The following PNPLA3 variants were observed in gnomAD, a reference collection of about 807,000 sequenced individuals.
PNPLA3 encodes 1-acylglycerol-3-phosphate O-acyltransferase PNPLA3.
Under a neutral mutation model 43.1 loss-of-function variants are expected in PNPLA3, and 42 were observed. The ratio of observed to expected loss-of-function variants is 0.97; its 90% CI spans 0.76 to 1.26. The LOEUF (loss-of-function observed/expected upper bound fraction) is 1.26, where lower values mean the gene tolerates loss of function less well. Among genes scored for constraint, PNPLA3 ranks in the 50% most tolerant of loss-of-function variants. The pLI is 0.00. For missense variants in PNPLA3, 647 were observed against 621.4 expected (o/e 1.04, Z -0.44); for synonymous variants, 272 against 253.6 (o/e 1.07, Z -0.69).
At position 43,927,108 on chromosome 22, in the gene PNPLA3, G is replaced by C. The variant is rs2049928534; in HGVS notation, c.361G>C (p.Val121Leu). Reference protein sequence around the residue: ...SGKIGISLTRVSDGENVLVSD... With the variant: ...SGKIGISLTRLSDGENVLVSD... Reference sequence around the variant, plus strand: ...CAAAATAGGCATCTCTCTTACCAGAGTGTCTGATGGGGAAAACGTTCTGGT... The same window carrying C: ...CAAAATAGGCATCTCTCTTACCAGACTGTCTGATGGGGAAAACGTTCTGGT... Residue 121 changes from valine (V) to leucine (L), a missense_variant, in exon 2 of 9, where the codon GTG (valine) becomes CTG (leucine). Physicochemically the swap from Val to Leu is conservative, Grantham distance 32. Transcript: ENST00000216180. 6.2e-7 allele frequency: 1 copy of C among 1,614,246 alleles called. No homozygotes were observed. Among genetic ancestry groups the C allele is most frequent in the South Asian group, 1.1e-5 (1 of 91,088 alleles).
chr22:43,933,748 G>A (rs1475539238), intron 4 of PNPLA3, among the ~76,000 whole-genome samples: 1 of 152,130 alleles, frequency 6.6e-6, no homozygotes, highest in African/African-American at 2.4e-5. Context: ...TGATTGTGGT[G>A]GTTTTAGTAT....
chr22:43,934,524 T>C, intron 4 of PNPLA3, 82 bp from the exon 5 acceptor site: 1 of 1,372,762 alleles, frequency 7.3e-7, no homozygotes, highest in Admixed American at 1.7e-5. Context: ...TCTTTGGTGC[T>C]CTCTGCGGTC....
At chr22:43,933,211 C>A (rs375964693) in intron 4 of PNPLA3, 124 bp downstream of exon 4, 8 of 940,126 alleles carry the variant, frequency 8.5e-6, no homozygotes, top group Non-Finnish European at 1.3e-5. Context: ...TGATGGTTAA[C>A]GGAAATAAAA....
intron 6 of PNPLA3, among the ~76,000 whole-genome samples, 195 bp from the exon 7 acceptor site, chr22:43,939,798 A>G (rs1379331206): frequency 1.3e-5 from 2 of 152,198 alleles, no homozygotes; most frequent in Non-Finnish European, 2.9e-5. Flanking sequence ...CCTGGGGGCA[A>G]CAAGAGCAAA....
Position 43,923,980 on chromosome 22 carries a change from C to T in PNPLA3, c.69C>T (p.Val23=). ...AGCGFLGFYH[V]GATRCLSEHA... is the part of the protein sequence containing the mutation. ...GCGGCTTCCTGGGCTTCTACCACGT[C>T]GGGGCGACCCGCTGCCTGAGCGAGC... The change falls in exon 1 of 9, where the codon GTC becomes GTT. Residue 23 remains valine, a synonymous_variant. Transcript: ENST00000216180. 1 of 1,585,040 alleles carries T rather than the reference C, an allele frequency of 6.3e-7. No individual in the cohort carries two copies. Among genetic ancestry groups the T allele is most frequent in the Non-Finnish European group, 8.5e-7 (1 of 1,174,214 alleles).
rs574128036 is a variant in PNPLA3, at chr22:43,927,685, C to T, written c.420+518C>T. Among the ~76,000 whole-genome samples, 10 of 151,922 alleles carry T rather than the reference C, an allele frequency of 6.6e-5. No individual in the cohort carries two copies. The South Asian group carries it at 2.1e-3, about 32-fold the overall frequency. Reference sequence around the variant, plus strand: ...TGGGTGGGGGGGCGGGGTACAGAGTCTTGCTCTGTCTCCCAGGCTGGAGTG... The same window carrying T: ...TGGGTGGGGGGGCGGGGTACAGAGTTTTGCTCTGTCTCCCAGGCTGGAGTG... On this transcript the variant is annotated intron_variant, in intron 2 of 8. Coordinates refer to ENST00000216180, the MANE Select transcript of PNPLA3 (RefSeq NM_025225.3).
intron 1 of PNPLA3, among the ~76,000 whole-genome samples, chr22:43,925,680 A>G (rs2049917335): frequency 6.6e-6 from 1 of 152,156 alleles, no homozygotes; most frequent in South Asian, 2.1e-4. Context: ...CCTTCCCCTA[A>G]GCCAGGGGGA....
At chr22:43,929,428 A>G (rs2049946952) in intron 3 of PNPLA3, among the ~76,000 whole-genome samples, 1 of 150,080 alleles carries the variant, frequency 6.7e-6, no homozygotes, top group Middle Eastern at 3.4e-3. Context: ...GTGAGCCAAG[A>G]TCGCACCACT....
In PNPLA3 at chr22:43,946,618, C is replaced by T. The variant is rs1018405022; in HGVS notation, c.*236C>T. On this transcript the variant is annotated 3_prime_UTR_variant, in exon 9 of 9. Transcript: ENST00000216180. Reference sequence around the variant, plus strand: ...TAATTCAGCTGGTTGGGAAATGACACCAGGAAGCCCAGTGCAGAGGGTCCC... The same window carrying T: ...TAATTCAGCTGGTTGGGAAATGACATCAGGAAGCCCAGTGCAGAGGGTCCC... 9.9e-6 allele frequency: 7 copies of T among 704,830 alleles called. No homozygotes were observed. Among genetic ancestry groups the T allele is most frequent in the Middle Eastern group, 2.4e-4 (1 of 4,234 alleles). The allele number at this position is 704,830 out of a possible 1,614,324, so 43.7% of individuals were successfully genotyped here.
At chr22:43,939,494 T>C in intron 6 of PNPLA3, 1 of 862,464 alleles carries the variant, frequency 1.2e-6, no homozygotes, top group Non-Finnish European at 1.4e-6. Context: ...GCTCCCCGCT[T>C]CAGCTTCACA....
intron 7 of PNPLA3, among the ~76,000 whole-genome samples, chr22:43,944,056 G>T (rs936043682): frequency 1.3e-5 from 2 of 152,072 alleles, no homozygotes; most frequent in Non-Finnish European, 2.9e-5. Flanking sequence ...AAAGTGCTGG[G>T]ATTACAGGTG....
rs374810102 is a variant in PNPLA3 at position 43,946,200 on chromosome 22, G to C, written c.1264G>C (p.Glu422Gln). The C allele has an allele frequency of 1.9e-5, 31 of 1,614,160 alleles. No individual in the cohort carries two copies. The African/African-American group carries it at 3.1e-4, about 16-fold the overall frequency. The change falls in exon 9 of 9, where the codon GAG becomes CAG. Residue 422 changes from glutamate (E) to glutamine (Q), a missense_variant. Physicochemically the swap from Glu to Gln is conservative, Grantham distance 29. Coordinates refer to ENST00000216180, the MANE Select transcript of PNPLA3 (RefSeq NM_025225.3). ...CCAACAGGCCTCCCCATGCACACCTGAGCAGGACTGGCCCTGCTGGACTCC... is the reference window on the plus strand; with the variant it reads ...CCAACAGGCCTCCCCATGCACACCTCAGCAGGACTGGCCCTGCTGGACTCC... ...SSQQASPCTP[E>Q]QDWPCWTPCS... is the part of the protein sequence containing the mutation.
intron 8 of PNPLA3, among the ~76,000 whole-genome samples, chr22:43,945,284 T>G (rs949640480): frequency 6.6e-6 from 1 of 152,184 alleles, no homozygotes; most frequent in African/African-American, 2.4e-5. Flanking sequence ...CCCTCTGTTG[T>G]ACTGAGTCAC....
intron 3 of PNPLA3, among the ~76,000 whole-genome samples, chr22:43,929,109 C>A (rs907047882): frequency 1.6e-4 from 25 of 152,214 alleles, no homozygotes; most frequent in African/African-American, 6.0e-4. Context: ...ATTTGGCTAT[C>A]TGTAAGGTAA....
At chr22:43,938,465 G>A (rs2050010220) in intron 6 of PNPLA3, among the ~76,000 whole-genome samples, 1 of 152,164 alleles carries the variant, frequency 6.6e-6, no homozygotes, top group Admixed American at 6.5e-5. Context: ...AGCTTCTGGG[G>A]AGGCCTCAGG....
Position 43,940,039 on chromosome 22 carries a change from T to A in PNPLA3, c.1026T>A (p.Ile342=), listed in dbSNP as rs2050021333. The A allele has an allele frequency of 6.2e-7, 1 of 1,613,778 alleles. No homozygotes were observed. Among genetic ancestry groups the A allele is most frequent in the Non-Finnish European group, 8.5e-7 (1 of 1,179,748 alleles). The stretch of plus-strand genomic sequence containing the variant: ...ACAAAGGTGGATACATGAGCAAGAT[T>A]TGCAACTTGCTACCCATTAGGATAA... ...MKDKGGYMSK[I]CNLLPIRIMS... Residue 342 remains isoleucine (I), a synonymous_variant, in exon 7 of 9, where the codon ATT becomes ATA. Coordinates refer to ENST00000216180, the MANE Select transcript of PNPLA3 (RefSeq NM_025225.3).
At chr22:43,946,019 T>C in intron 8 of PNPLA3, 135 bp from the exon 9 acceptor site, 1 of 792,934 alleles carries the variant, frequency 1.3e-6, no homozygotes, top group Non-Finnish European at 2.1e-6. Context: ...GAAGAAGCTG[T>C]GTCTCTGGCT....
chr22:43,927,120 G>A lies in PNPLA3; in HGVS notation c.373G>A (p.Glu125Lys). The part of the protein sequence containing the change: ...GISLTRVSDG[E>K]NVLVSDFRSK... Reference sequence around the variant, plus strand: ...CTCTCTTACCAGAGTGTCTGATGGGGAAAACGTTCTGGTGTCTGACTTTCG... The same window carrying A: ...CTCTCTTACCAGAGTGTCTGATGGGAAAAACGTTCTGGTGTCTGACTTTCG... Residue 125 changes from glutamate to lysine, a missense_variant, in exon 2 of 9, where the codon GAA (glutamate) becomes AAA (lysine). Glu to Lys is a moderately conservative substitution (Grantham distance 56). Transcript: ENST00000216180. The A allele has an allele frequency of 1.1e-5, 17 of 1,614,236 alleles. No individual in the cohort carries two copies. The highest frequency in any genetic ancestry group is 1.4e-5 in the Non-Finnish European group (16 of 1,180,046).
In PNPLA3 at chr22:43,923,972, T is replaced by C; in HGVS notation, c.61T>C (p.Tyr21His). The C allele has an allele frequency of 6.3e-7, 1 of 1,585,192 alleles. No homozygotes were observed. The highest frequency in any genetic ancestry group is 8.5e-7 in the Non-Finnish European group (1 of 1,174,196). Residue 21 changes from tyrosine (Y) to histidine (H), a missense_variant, in exon 1 of 9, where the codon TAC (tyrosine) becomes CAC (histidine). By Grantham distance (83) the Tyr-to-His change is moderately conservative. Coordinates refer to ENST00000216180, the MANE Select transcript of PNPLA3 (RefSeq NM_025225.3). ...SFAGCGFLGF[Y>H]HVGATRCLSE... The stretch of plus-strand genomic sequence containing the variant: ...CGCGGGCTGCGGCTTCCTGGGCTTC[T>C]ACCACGTCGGGGCGACCCGCTGCCT...
Sources: allele counts gnomAD v4.1 joint callset (sites outside exome capture counted in the v4.1 genomes callset), GRCh38; gene constraint gnomAD v4.1.1; transcripts MANE v1.5; gene names NCBI Gene and HGNC (gene_info 2026-07-23, HGNC 2026-07-21).